HDX: variants seen among roughly 807,000 people sequenced by gnomAD.
The protein encoded by HDX is highly divergent homeobox.
A neutral mutation model predicts 45.2 loss-of-function variants in HDX; 19 were observed. The ratio of observed to expected loss-of-function variants is 0.42; its 90% CI spans 0.29 to 0.62. The LOEUF (loss-of-function observed/expected upper bound fraction) is 0.62. Ranked by LOEUF, HDX falls within the 20% of genes least tolerant of loss-of-function variation. HDX has a pLI of 0.20. For missense variants in HDX, 532 were observed against 493.9 expected (o/e 1.08, Z -0.73); for synonymous variants, 188 against 172.8 (o/e 1.09, Z -0.69).
At chrX:84,400,204 C>T (rs1429851702) in intron 5 of HDX, among the ~76,000 whole-genome samples, 1 of 109,420 alleles carries the variant, frequency 9.1e-6, no homozygotes, top group Non-Finnish European at 1.9e-5. Context: ...GAAGGTGTGG[C>T]AAGGGCAATC....
intron 7 of HDX, among the ~76,000 whole-genome samples, chrX:84,337,285 AT>A (rs2036987431): frequency 9.0e-6 from 1 of 111,357 alleles, no homozygotes; most frequent in Non-Finnish European, 1.9e-5. Flanking sequence ...GTGGATACAT[AT>A]AACATTAATT....
intron 4 of HDX, among the ~76,000 whole-genome samples, chrX:84,464,786 C>T (rs2040310983): frequency 8.9e-6 from 1 of 111,919 alleles, no homozygotes; most frequent in Admixed American, 9.5e-5. Context: ...ATGACTAAAA[C>T]ACCAGAAGCA....
intron 6 of HDX, among the ~76,000 whole-genome samples, chrX:84,355,674 A>G (rs1439935208): frequency 9.2e-6 from 1 of 109,175 alleles, no homozygotes. Flanking sequence ...AGACTTGGAC[A>G]CAGGAAGGGG....
rs2036607006 is a variant in HDX at position 84,322,006 on chromosome X, C to G, written c.1956G>C (p.Leu652=). Residue 652 remains leucine, a synonymous_variant, in exon 11 of 11, where the codon CTG becomes CTC. Transcript: ENST00000373177. The part of the protein sequence containing the change: ...ADDKEQQQAL[L]SDLPPELEEM... ...CCTCTAATTCAGGAGGTAAATCTGA[C>G]AGCAGTGCCTGAATAAAAAAAATAA... The G allele has an allele frequency of 1.7e-6, 2 of 1,163,382 alleles. No homozygotes were observed. The highest frequency in any genetic ancestry group is 3.6e-5 in the African/African-American group (2 of 55,510).
rs188187827 is a variant in HDX, at chrX:84,368,923, T to A, written c.1306-7311A>T. Among the ~76,000 whole-genome samples, 273 of 110,482 alleles carry A rather than the reference T, an allele frequency of 2.5e-3. 2 individuals are homozygous for A. The highest frequency in any genetic ancestry group is 8.7e-3 in the African/African-American group (264 of 30,360). On this transcript the variant is annotated intron_variant, in intron 5 of 10. Coordinates refer to ENST00000373177, the MANE Select transcript of HDX (RefSeq NM_001177479.2). ...CTTGCATGCACAGTTCACAATAGGGTTCCTGCTCCTATGATAATTGAGTGC... is the reference window on the plus strand; with the variant it reads ...CTTGCATGCACAGTTCACAATAGGGATCCTGCTCCTATGATAATTGAGTGC...
intron 5 of HDX, among the ~76,000 whole-genome samples, chrX:84,377,379 C>T (rs1175976324): frequency 9.0e-6 from 1 of 111,444 alleles, no homozygotes. Context: ...TCCAGGAAAA[C>T]ATGAACTCAC....
At chrX:84,485,733 T>A (rs1447648146) in intron 2 of HDX, among the ~76,000 whole-genome samples, 1 of 111,847 alleles carries the variant, frequency 8.9e-6, no homozygotes, top group Non-Finnish European at 1.9e-5. Flanking sequence ...GATCTGTTGT[T>A]AGGCACATAT....
At chrX:84,330,643 C>T (rs765000973) in intron 9 of HDX, among the ~76,000 whole-genome samples, 17 of 111,653 alleles carry the variant, frequency 1.5e-4, no homozygotes, top group Admixed American at 1.2e-3. Flanking sequence ...GGTTTGAATG[C>T]ACAGTCCTTC....
At chrX:84,369,940 T>A (rs985885092) in intron 5 of HDX, among the ~76,000 whole-genome samples, 1 of 112,294 alleles carries the variant, frequency 8.9e-6, no homozygotes, top group African/African-American at 3.2e-5. Flanking sequence ...ATTTAATGTG[T>A]CAATTTGACT....
At chrX:84,440,868 A>T (rs935536529) in intron 4 of HDX, among the ~76,000 whole-genome samples, 1 of 110,754 alleles carries the variant, frequency 9.0e-6, no homozygotes, top group Non-Finnish European at 1.9e-5. Context: ...AAGTTTTAAA[A>T]TCTATAGATA....
At chrX:84,426,085 A>G (rs12391857) in intron 5 of HDX, among the ~76,000 whole-genome samples, 7,819 of 110,479 alleles carry the variant, frequency 0.071, 335 homozygotes, top group African/African-American at 0.16. Flanking sequence ...CCATATATAT[A>G]TACACCTACT....
At chrX:84,413,082 G>C (rs1845398683) in intron 5 of HDX, among the ~76,000 whole-genome samples, 1 of 111,156 alleles carries the variant, frequency 9.0e-6, no homozygotes, top group African/African-American at 3.3e-5. Context: ...CCTCAGATTG[G>C]GTTTCAATTT....
At chrX:84,479,968 T>C (rs1387708256) in intron 2 of HDX, among the ~76,000 whole-genome samples, 2 of 111,570 alleles carry the variant, frequency 1.8e-5, no homozygotes, top group Non-Finnish European at 3.8e-5. Context: ...AGAAATATGA[T>C]TTCCAATGTT....
intron 5 of HDX, among the ~76,000 whole-genome samples, chrX:84,373,033 AAT>A (rs1244984912): frequency 1.8e-5 from 2 of 111,883 alleles, no homozygotes; most frequent in Non-Finnish European, 3.8e-5. Context: ...TTTGCATTAA[AAT>A]ATGTCATTTT....
At chrX:84,498,698 A>G (rs1023519320) in intron 1 of HDX, among the ~76,000 whole-genome samples, 10 of 111,768 alleles carry the variant, frequency 8.9e-5, no homozygotes, top group African/African-American at 1.9e-4. Flanking sequence ...TATTTTTTCA[A>G]TCAAGACTGA....
chrX:84,466,474 T>A (rs1264416688), intron 4 of HDX, among the ~76,000 whole-genome samples: 1 of 112,254 alleles, frequency 8.9e-6, no homozygotes, highest in Non-Finnish European at 1.9e-5. Flanking sequence ...TCTAAGCCTA[T>A]ACTCTAAATT....
intron 4 of HDX, among the ~76,000 whole-genome samples, chrX:84,458,086 A>T (rs759907686): frequency 1.3e-4 from 14 of 110,875 alleles, no homozygotes; most frequent in East Asian, 5.6e-4. Context: ...TTCAAAACCT[A>T]ATACAGGCCA....
At chrX:84,384,008 A>T (rs982887730) in intron 5 of HDX, among the ~76,000 whole-genome samples, 1 of 109,986 alleles carries the variant, frequency 9.1e-6, no homozygotes, top group Non-Finnish European at 1.9e-5. Context: ...GCTGCGATAA[A>T]CATGGAAGCA....
chrX:84,454,290 G>A (rs1369405323), intron 4 of HDX, among the ~76,000 whole-genome samples: 1 of 111,546 alleles, frequency 9.0e-6, no homozygotes, highest in African/African-American at 3.3e-5. Context: ...CCGATTCCAG[G>A]GCTTGGCTCT....
Sources: allele counts gnomAD v4.1 joint callset (sites outside exome capture counted in the v4.1 genomes callset), GRCh38; gene constraint gnomAD v4.1.1; transcripts MANE v1.5; gene names NCBI Gene and HGNC (gene_info 2026-07-23, HGNC 2026-07-21).